The following GRM8 variants were observed in gnomAD, a reference collection of about 807,000 sequenced individuals.
The protein encoded by GRM8 is glutamate metabotropic receptor 8.
A neutral mutation model predicts 87.2 loss-of-function variants in GRM8; 47 were observed. That is an observed-to-expected ratio of 0.54 (90% CI 0.43 to 0.69). The LOEUF is 0.69. Among genes scored for constraint, GRM8 ranks in the 30% least tolerant of loss-of-function variants. The pLI, the probability that GRM8 is intolerant of heterozygous loss-of-function variation, is 0.00. For synonymous variants in GRM8, 396 were observed against 404.5 expected, an observed-to-expected ratio of 0.98 and a Z score of 0.25; for missense variants, 1,019 against 1,139.2, an observed-to-expected ratio of 0.89 and a Z score of 1.52.
At chr7:126,834,063 T>G (rs1334960369) in intron 6 of GRM8, among the ~76,000 whole-genome samples, 1 of 152,190 alleles carries the variant, frequency 6.6e-6, no homozygotes, top group Non-Finnish European at 1.5e-5. Flanking sequence ...GAGATCAGAC[T>G]GTCCTACGGA....
rs145868772 is a variant in GRM8, at chr7:126,979,588, C to T, written c.728-74905G>A. ...GGTACAAAGAAAGGTGACCAGAATCCCTAAATCTTGAAGTTTTTCTAGTCA... is the reference window on the plus strand; with the variant it reads ...GGTACAAAGAAAGGTGACCAGAATCTCTAAATCTTGAAGTTTTTCTAGTCA... On this transcript the variant is annotated intron_variant, in intron 3 of 10. Coordinates refer to ENST00000339582, the MANE Select transcript of GRM8 (RefSeq NM_000845.3). Among the ~76,000 whole-genome samples, 111 of 152,182 alleles carry T rather than the reference C, an allele frequency of 7.3e-4. No individual in the cohort carries two copies. The Middle Eastern group carries it at 0.017, about 23-fold the overall frequency.
intron 3 of GRM8, among the ~76,000 whole-genome samples, chr7:126,919,770 C>T (rs1804321198): frequency 6.6e-6 from 1 of 152,066 alleles, no homozygotes; most frequent in South Asian, 2.1e-4. Flanking sequence ...CTTCCCTTTC[C>T]CTTGTCTTAC....
At chr7:126,453,584 A>T (rs1802889657) in intron 9 of GRM8, among the ~76,000 whole-genome samples, 1 of 151,754 alleles carries the variant, frequency 6.6e-6, no homozygotes, top group South Asian at 2.1e-4. Context: ...TTCTCTAATG[A>T]TAGGAAAGAA....
chr7:126,979,728 G>T (rs549012541), intron 3 of GRM8, among the ~76,000 whole-genome samples: 1 of 152,288 alleles, frequency 6.6e-6, no homozygotes, highest in South Asian at 2.1e-4. Context: ...CTCTTTCCCT[G>T]GTGAAGTAAC....
chr7:126,730,922 C>G (rs1813514139), intron 7 of GRM8, among the ~76,000 whole-genome samples: 1 of 152,040 alleles, frequency 6.6e-6, no homozygotes, highest in Admixed American at 6.6e-5. Context: ...TTCGATAAAT[C>G]TGTATAACAT....
intron 7 of GRM8, among the ~76,000 whole-genome samples, chr7:126,632,359 G>A (rs878958152): frequency 6.6e-6 from 1 of 151,984 alleles, no homozygotes; most frequent in Admixed American, 6.6e-5. Context: ...TCAGAATGGC[G>A]ACTATTAAAA....
intron 8 of GRM8, among the ~76,000 whole-genome samples, chr7:126,584,536 A>C (rs1032241687): frequency 1.3e-5 from 2 of 152,234 alleles, no homozygotes; most frequent in African/African-American, 4.8e-5. Flanking sequence ...TTTAGATGGC[A>C]CAGCAGAAAT....
chr7:127,129,932 A>C (rs1827585501), intron 2 of GRM8, among the ~76,000 whole-genome samples: 1 of 152,092 alleles, frequency 6.6e-6, no homozygotes, highest in African/African-American at 2.4e-5. Context: ...CCCCACCCAA[A>C]TCTCATCTGA....
At chr7:126,578,289 C>A (rs1795289478) in intron 8 of GRM8, among the ~76,000 whole-genome samples, 1 of 152,110 alleles carries the variant, frequency 6.6e-6, no homozygotes, top group African/African-American at 2.4e-5. Flanking sequence ...ACAATTTGTC[C>A]TCTCTGGATA....
chr7:127,007,137 T>C (rs1444101099), intron 3 of GRM8, among the ~76,000 whole-genome samples: 1 of 152,044 alleles, frequency 6.6e-6, no homozygotes, highest in African/African-American at 2.4e-5. Context: ...TCTTTACCCC[T>C]TTCTTTCAGG....
intron 2 of GRM8, among the ~76,000 whole-genome samples, chr7:127,211,187 C>T (rs1421281132): frequency 1.3e-5 from 2 of 152,250 alleles, no homozygotes; most frequent in East Asian, 1.9e-4. Flanking sequence ...AGCAAGGAAG[C>T]GAGTCTGAGT....
intron 8 of GRM8, among the ~76,000 whole-genome samples, chr7:126,595,989 C>A (rs2151058481): frequency 6.6e-6 from 1 of 152,178 alleles, no homozygotes; most frequent in Middle Eastern, 3.4e-3. Context: ...ATACAAATAT[C>A]AGATGGGTGT....
At chr7:127,101,955 T>G (rs1255408130) in intron 3 of GRM8, among the ~76,000 whole-genome samples, 7 of 152,220 alleles carry the variant, frequency 4.6e-5, no homozygotes, top group Non-Finnish European at 1.0e-4. Context: ...AGTGAAATCC[T>G]GGCTGCTGAG....
intron 2 of GRM8, among the ~76,000 whole-genome samples, chr7:127,132,434 A>C (rs995063950): frequency 6.6e-6 from 1 of 151,858 alleles, no homozygotes; most frequent in South Asian, 2.1e-4. Context: ...CATTTCTCAA[A>C]TATTTACTGA....
At chr7:126,550,115 T>C (rs781772422) in intron 8 of GRM8, among the ~76,000 whole-genome samples, 33 of 150,420 alleles carry the variant, frequency 2.2e-4, no homozygotes, top group Middle Eastern at 3.4e-3. Flanking sequence ...TTTGTTTTTT[T>C]GTTTTTTTGT....
intron 6 of GRM8, among the ~76,000 whole-genome samples, chr7:126,862,792 T>C (rs1279593984): frequency 6.6e-6 from 1 of 152,154 alleles, no homozygotes; most frequent in East Asian, 1.9e-4. Context: ...CTTCACTAGA[T>C]CTGAAATGAT....
intron 2 of GRM8, among the ~76,000 whole-genome samples, chr7:127,144,218 A>T (rs768502822): frequency 3.9e-5 from 6 of 152,110 alleles, no homozygotes; most frequent in African/African-American, 7.2e-5. Context: ...GGCTCATCTC[A>T]TTCCACTAGA....
At chr7:126,899,677 T>C (rs555507155) in intron 6 of GRM8, among the ~76,000 whole-genome samples, 15 of 152,204 alleles carry the variant, frequency 9.9e-5, no homozygotes, top group Non-Finnish European at 2.1e-4. Flanking sequence ...TTAATGCCTC[T>C]CCTTAAAGTT....
intron 3 of GRM8, among the ~76,000 whole-genome samples, chr7:127,076,539 C>T (rs1448158976): frequency 6.6e-6 from 1 of 152,028 alleles, no homozygotes; most frequent in Non-Finnish European, 1.5e-5. Context: ...CCATTCTTCT[C>T]TTTTATTCCT....
Sources: allele counts gnomAD v4.1 joint callset (sites outside exome capture counted in the v4.1 genomes callset), GRCh38; gene constraint gnomAD v4.1.1; transcripts MANE v1.5; gene names NCBI Gene and HGNC (gene_info 2026-07-23, HGNC 2026-07-21).